The following SEMA5B variants were observed in gnomAD, a reference collection of about 807,000 sequenced individuals.
SEMA5B encodes the protein semaphorin-5B.
SEMA5B carries 66 observed loss-of-function variants against 135.0 expected under a neutral mutation model. The observed-to-expected ratio is 0.49, with a 90% CI of 0.40 to 0.60. The LOEUF (loss-of-function observed/expected upper bound fraction) is 0.60, where lower values mean the gene tolerates loss of function less well. Among genes scored for constraint, SEMA5B ranks in the 20% least tolerant of loss-of-function variants. The probability of loss-of-function intolerance (pLI) is 0.00; values close to 1 mark genes in which losing one functional copy is unlikely to be tolerated. For missense variants in SEMA5B, 1,501 were observed against 1,566.3 expected (o/e 0.96, Z 0.70); for synonymous variants, 690 against 639.5 (o/e 1.08, Z -1.19).
chr3:122,955,372 G>A (rs1940245430), intron 2 of SEMA5B, among the ~76,000 whole-genome samples: 1 of 152,220 alleles, frequency 6.6e-6, no homozygotes, highest in Non-Finnish European at 1.5e-5. Flanking sequence ...CTGCCACAAA[G>A]TAGGCATTGT....
chr3:123,018,986 C>T (rs568555731), intron 1 of SEMA5B, among the ~76,000 whole-genome samples: 82 of 152,230 alleles, frequency 5.4e-4, no homozygotes, highest in Middle Eastern at 3.4e-3. Flanking sequence ...GAGGACATGA[C>T]CCAGGAAGTA....
intron 2 of SEMA5B, among the ~76,000 whole-genome samples, chr3:122,954,749 G>A (rs530599117): frequency 1.3e-5 from 2 of 152,142 alleles, no homozygotes; most frequent in African/African-American, 2.4e-5. Context: ...GTCTTTGCAG[G>A]GGAAACTGGA....
At chr3:122,973,253 C>G (rs1269613132) in intron 1 of SEMA5B, among the ~76,000 whole-genome samples, 2 of 152,240 alleles carry the variant, frequency 1.3e-5, no homozygotes, top group Non-Finnish European at 2.9e-5. Flanking sequence ...TCCCTTTACA[C>G]CCCTAGCTTC....
chr3:122,938,970 C>T (rs1939430916), intron 5 of SEMA5B, among the ~76,000 whole-genome samples: 1 of 152,154 alleles, frequency 6.6e-6, no homozygotes, highest in African/African-American at 2.4e-5. Flanking sequence ...TCAGACTGGG[C>T]TAGGAAAGGA....
intron 1 of SEMA5B, among the ~76,000 whole-genome samples, chr3:123,013,827 GA>G (rs1942491019): frequency 6.6e-6 from 1 of 152,258 alleles, no homozygotes; most frequent in Non-Finnish European, 1.5e-5. Context: ...CTTCAGGGAA[GA>G]GGGGAGCTGG....
chr3:122,933,626 T>A (rs1002520421), intron 5 of SEMA5B, among the ~76,000 whole-genome samples: 2 of 152,150 alleles, frequency 1.3e-5, no homozygotes, highest in Non-Finnish European at 2.9e-5. Flanking sequence ...TCATCCTTAA[T>A]TTCTTCCTCA....
intron 22 of SEMA5B, among the ~76,000 whole-genome samples, 173 bp downstream of exon 22, chr3:122,910,667 G>A (rs561258911): frequency 3.8e-4 from 58 of 152,008 alleles, no homozygotes; most frequent in African/African-American, 1.2e-3. Context: ...AAAATTAGCC[G>A]GGCGTAGTGG....
intron 3 of SEMA5B, among the ~76,000 whole-genome samples, chr3:122,945,605 A>C (rs1466025437): frequency 2.0e-5 from 3 of 152,062 alleles, no homozygotes; most frequent in African/African-American, 7.2e-5. Context: ...CCCTGTCCCT[A>C]TGAGACTGGG....
intron 4 of SEMA5B, among the ~76,000 whole-genome samples, chr3:122,940,197 T>G (rs975812667): frequency 6.6e-6 from 1 of 152,204 alleles, no homozygotes; most frequent in African/African-American, 2.4e-5. Context: ...ATACTACTAG[T>G]AGTAATAATG....
intron 1 of SEMA5B, among the ~76,000 whole-genome samples, chr3:122,967,801 G>A (rs920727813): frequency 6.6e-6 from 1 of 152,260 alleles, no homozygotes; most frequent in East Asian, 1.9e-4. Context: ...CCTGGCCTGA[G>A]ATAGGCCCTT....
intron 6 of SEMA5B, 149 bp from the exon 7 acceptor site, chr3:122,928,764 G>A (rs897318261): frequency 1.4e-5 from 10 of 722,532 alleles, no homozygotes; most frequent in African/African-American, 7.1e-5. Context: ...TCCGGGTCAC[G>A]TCTGTGGACG....
At chr3:122,942,791 G>T (rs1939614967) in intron 4 of SEMA5B, among the ~76,000 whole-genome samples, 1 of 152,166 alleles carries the variant, frequency 6.6e-6, no homozygotes, top group African/African-American at 2.4e-5. Flanking sequence ...CACATTCTCG[G>T]GTGCTGCTGG....
chr3:122,943,364 C>T lies in SEMA5B; in HGVS notation c.428+72G>A, dbSNP rs531588105. 3.8e-5 allele frequency: 43 copies of T among 1,120,274 alleles called. No individual in the cohort carries two copies. In the Middle Eastern group the frequency reaches 7.8e-4, roughly 20 times the overall value. The allele number at this position is 1,120,274 out of a possible 1,614,324, so 69.4% of individuals were successfully genotyped here. On this transcript the variant is annotated intron_variant, in intron 4 of 22. Transcript: ENST00000357599. ...CGCGGGGCTGCCCAGGTGAGTTCAT[C>T]CTGAATAATATTCCCTCTACCCAGC...
intron 2 of SEMA5B, among the ~76,000 whole-genome samples, chr3:122,956,964 G>T (rs1270380031): frequency 6.6e-6 from 1 of 152,212 alleles, no homozygotes; most frequent in African/African-American, 2.4e-5. Context: ...GCCATCAGGG[G>T]CGAAGAGCAT....
At chr3:122,985,960 T>C (rs911051710) in intron 1 of SEMA5B, among the ~76,000 whole-genome samples, 2 of 152,008 alleles carry the variant, frequency 1.3e-5, no homozygotes, top group African/African-American at 4.8e-5. Flanking sequence ...AAAAATGAAG[T>C]GTTAGTAGAA....
chr3:122,979,992 T>A (rs1407198207), intron 1 of SEMA5B, among the ~76,000 whole-genome samples: 16 of 152,230 alleles, frequency 1.1e-4, no homozygotes, highest in Admixed American at 9.8e-4. Flanking sequence ...TCGCCTGACA[T>A]TTCATCACTT....
At chr3:122,935,103 C>T (rs987087775) in intron 5 of SEMA5B, among the ~76,000 whole-genome samples, 1 of 152,122 alleles carries the variant, frequency 6.6e-6, no homozygotes, top group African/African-American at 2.4e-5. Flanking sequence ...AAAAAAGCAT[C>T]TTTGTTTGTT....
intron 1 of SEMA5B, among the ~76,000 whole-genome samples, chr3:123,006,253 G>A (rs1480680266): frequency 3.9e-5 from 6 of 152,194 alleles, no homozygotes; most frequent in East Asian, 1.9e-4. Flanking sequence ...ATGAGGGGAC[G>A]ACAGAGCAGG....
At chr3:122,935,686 C>CTTTCTTTT (rs1939233868) in intron 5 of SEMA5B, among the ~76,000 whole-genome samples, 12 of 70,254 alleles carry the variant, frequency 1.7e-4, no homozygotes, top group Middle Eastern at 9.3e-3. Context: ...TTCTTTCTTT[C>CTTTCTTTT]TTTTTTTTTT....
Sources: gnomAD v4.1 joint callset for allele counts (sites outside exome capture counted in the v4.1 genomes callset) on GRCh38, gnomAD v4.1.1 for gene constraint, MANE v1.5 for transcripts, NCBI Gene and HGNC (gene_info 2026-07-23, HGNC 2026-07-21) for gene names.